The following ZNF780B variants were observed in gnomAD, a reference collection of about 807,000 sequenced individuals.
The protein encoded by ZNF780B is zinc finger protein 779.
A neutral mutation model predicts 74.1 loss-of-function variants in ZNF780B; 52 were observed. The observed-to-expected ratio is 0.70, with a 90% CI of 0.56 to 0.88. The LOEUF is 0.88. Among genes scored for constraint, ZNF780B ranks in the 40% least tolerant of loss-of-function variants. The pLI is 0.00. For synonymous variants in ZNF780B, 315 were observed against 324.3 expected, an observed-to-expected ratio of 0.97 and a Z score of 0.31; for missense variants, 953 against 1,007.6, an observed-to-expected ratio of 0.95 and a Z score of 0.73.
At chr19:40,049,012 C>G in intron 2 of ZNF780B, 1 of 611,706 alleles carries the variant, frequency 1.6e-6, no homozygotes, top group East Asian at 3.1e-5. Context: ...CTGCTTGAGC[C>G]CAGGAGTTGG....
chr19:40,051,256 GTGTA>G (rs1452957107), intron 1 of ZNF780B, among the ~76,000 whole-genome samples: 5 of 149,252 alleles, frequency 3.4e-5, no homozygotes, highest in African/African-American at 1.0e-4. Flanking sequence ...ATATACACAT[GTGTA>G]TGTATCTATA....
rs560117380 is a variant in ZNF780B at position 40,043,736 on chromosome 19, G to A, written c.232+3639C>T. ...GCGGGATATAATCTCCTGGTGTGCCGTTTTTTAAGCCCATTGGAAAAGCAC... is the reference window on the plus strand; with the variant it reads ...GCGGGATATAATCTCCTGGTGTGCCATTTTTTAAGCCCATTGGAAAAGCAC... On this transcript the variant is annotated intron_variant, in intron 4 of 4. Coordinates refer to ENST00000434248, the MANE Select transcript of ZNF780B (RefSeq NM_001005851.3). 5.9e-5 allele frequency among the ~76,000 whole-genome samples: 9 copies of A among 152,312 alleles called. No individual in the cohort carries two copies. The South Asian group carries it at 6.2e-4, about 11-fold the overall frequency.
At chr19:40,047,258 C>T in intron 4 of ZNF780B, 117 bp downstream of exon 4, 1 of 845,914 alleles carries the variant, frequency 1.2e-6, no homozygotes, top group Non-Finnish European at 2.0e-6. Flanking sequence ...CAGTGGGGGA[C>T]CTTGGGTTAT....
chr19:40,042,934 A>G (rs1267109398), intron 4 of ZNF780B, among the ~76,000 whole-genome samples: 1 of 152,040 alleles, frequency 6.6e-6, no homozygotes, highest in Non-Finnish European at 1.5e-5. Flanking sequence ...GCTTTGTTCC[A>G]TTGCTGGTGA....
Position 40,035,332 on chromosome 19 carries a change from G to A in ZNF780B, c.1527C>T (p.Ala509=). 1 of 1,614,038 alleles carries A rather than the reference G, an allele frequency of 6.2e-7. No individual in the cohort carries two copies. The highest frequency in any genetic ancestry group is 2.2e-5 in the East Asian group (1 of 44,874). The change falls in exon 5 of 5, where the codon GCC becomes GCT. Residue 509 remains alanine, a synonymous_variant. Coordinates refer to ENST00000434248, the MANE Select transcript of ZNF780B (RefSeq NM_001005851.3). ...KPFECKDCGK[A]FNRGSNLVQH... is the part of the protein sequence containing the mutation. ...GAACAAGGTTCGAGCCACGATTGAA[G>A]GCCTTCCCACAGTCTTTACATTCAA... is the stretch of plus-strand genomic sequence containing the variant.
In ZNF780B at chr19:40,052,781, C is replaced by T. The variant is rs184775587; in HGVS notation, c.-45-2404G>A. The stretch of plus-strand genomic sequence containing the variant: ...AGAATAGAGAGCCCCAGAATAAATC[C>T]ATATGTTTACAACCAACTGATTTTT... On this transcript the variant is annotated intron_variant, in intron 1 of 4. Coordinates refer to ENST00000434248, the MANE Select transcript of ZNF780B (RefSeq NM_001005851.3). Among the ~76,000 whole-genome samples, 748 of 152,126 alleles carry T rather than the reference C, an allele frequency of 4.9e-3. 4 individuals carry two copies. The highest frequency in any genetic ancestry group is 0.017 in the African/African-American group (718 of 41,500).
chr19:40,039,807 TG>T (rs1972540974), intron 4 of ZNF780B, among the ~76,000 whole-genome samples: 1 of 151,946 alleles, frequency 6.6e-6, no homozygotes, highest in East Asian at 1.9e-4. Flanking sequence ...AAGGAGATTT[TG>T]GGCTGAGACA....
At chr19:40,050,283 GAAAGTC>G (rs1176788552) in intron 2 of ZNF780B, 35 bp downstream of exon 2, 2 of 1,586,934 alleles carry the variant, frequency 1.3e-6, no homozygotes, top group Non-Finnish European at 1.7e-6. Flanking sequence ...AACCTAACCT[GAAAGTC>G]ACCATATTTC....
intron 4 of ZNF780B, among the ~76,000 whole-genome samples, chr19:40,038,273 C>T (rs1308910795): frequency 1.1e-4 from 17 of 151,688 alleles, no homozygotes; most frequent in Non-Finnish European, 2.2e-4. Context: ...CATAGTATTC[C>T]ATGGTGTATA....
chr19:40,040,402 T>C (rs1263220138), intron 4 of ZNF780B, among the ~76,000 whole-genome samples: 1 of 152,234 alleles, frequency 6.6e-6, no homozygotes, highest in African/African-American at 2.4e-5. Context: ...CCAGCTTTGG[T>C]ATCAGGATGA....
At chr19:40,052,751 G>A (rs1351178869) in intron 1 of ZNF780B, among the ~76,000 whole-genome samples, 5 of 151,912 alleles carry the variant, frequency 3.3e-5, no homozygotes, top group East Asian at 1.9e-4. Flanking sequence ...CTAGACAAAC[G>A]GAACAGAATA....
rs563795222 is a variant in ZNF780B, at chr19:40,054,638, A to C, written c.-46+1551T>G. 5.3e-5 allele frequency among the ~76,000 whole-genome samples: 8 copies of C among 152,370 alleles called. No individual in the cohort carries two copies. In the South Asian group the frequency reaches 1.7e-3, roughly 32 times the overall value. ...AATGCTCCTGTCCTATAGAAAGTCA[A>C]GGGAAATGACCTAAAATGACCACAC... On this transcript the variant is annotated intron_variant, in intron 1 of 4. Coordinates refer to ENST00000434248, the MANE Select transcript of ZNF780B (RefSeq NM_001005851.3).
intron 4 of ZNF780B, among the ~76,000 whole-genome samples, chr19:40,042,837 A>G (rs1463187182): frequency 2.6e-5 from 4 of 151,750 alleles, no homozygotes; most frequent in Non-Finnish European, 5.9e-5. Flanking sequence ...CTTTTTTGCC[A>G]TTGGTTTGAA....
rs932102768 is a variant in ZNF780B at position 40,037,906 on chromosome 19, A to AT, written c.233-1281dup. Among the ~76,000 whole-genome samples the AT allele has an allele frequency of 7.7e-4, 112 of 145,076 alleles. 1 individual carries two copies. The highest frequency in any genetic ancestry group is 2.7e-3 in the African/African-American group (105 of 39,442). On this transcript the variant is annotated intron_variant, in intron 4 of 4. Coordinates refer to ENST00000434248, the MANE Select transcript of ZNF780B (RefSeq NM_001005851.3). ...TTTTTTTTTCTGTTTATATATATAT[A>AT]TTTTTTTAATTTTATTATTATTATA...
Position 40,035,369 on chromosome 19 carries a change from C to T in ZNF780B, c.1490G>A (p.Gly497Asp). Reference protein sequence around the residue: ...QLARHKNIHTGEKPFECKDCG... With the variant: ...QLARHKNIHTDEKPFECKDCG... ...GTCTTTACATTCAAATGGTTTCTCACCAGTATGAATGTTCTTATGTCGAGC... is the reference window on the plus strand; with the variant it reads ...GTCTTTACATTCAAATGGTTTCTCATCAGTATGAATGTTCTTATGTCGAGC... Residue 497 changes from glycine to aspartate, a missense_variant, in exon 5 of 5, where the codon GGT (glycine) becomes GAT (aspartate). By Grantham distance (94) the Gly-to-Asp change is moderately conservative. Coordinates refer to ENST00000434248, the MANE Select transcript of ZNF780B (RefSeq NM_001005851.3). The T allele has an allele frequency of 6.2e-7, 1 of 1,614,144 alleles. No homozygotes were observed. Among genetic ancestry groups the T allele is most frequent in the Non-Finnish European group, 8.5e-7 (1 of 1,180,026 alleles).
chr19:40,040,186 G>C (rs1972566071), intron 4 of ZNF780B, among the ~76,000 whole-genome samples: 1 of 152,034 alleles, frequency 6.6e-6, no homozygotes. Context: ...TTTTGTCTTT[G>C]GTTCTGTTTA....
chr19:40,038,619 A>T (rs1209172821), intron 4 of ZNF780B, among the ~76,000 whole-genome samples: 1 of 150,712 alleles, frequency 6.6e-6, no homozygotes, highest in Non-Finnish European at 1.5e-5. Flanking sequence ...AACTGGTGTG[A>T]GATGGTATCT....
intron 1 of ZNF780B, chr19:40,055,640 T>C (rs1334665541): frequency 2.6e-5 from 4 of 152,346 alleles, no homozygotes; most frequent in South Asian, 2.1e-4. Context: ...AGCTGGTTCC[T>C]GGGGACAGAT....
intron 4 of ZNF780B, among the ~76,000 whole-genome samples, chr19:40,045,932 G>A (rs985970195): frequency 1.3e-5 from 2 of 152,058 alleles, no homozygotes; most frequent in African/African-American, 4.8e-5. Context: ...AGGTTGCAGT[G>A]GGCCAAGATC....
Sources: allele counts gnomAD v4.1 joint callset (sites outside exome capture counted in the v4.1 genomes callset), GRCh38; gene constraint gnomAD v4.1.1; transcripts MANE v1.5; gene names NCBI Gene and HGNC (gene_info 2026-07-23, HGNC 2026-07-21).